The following NBEAL1 variants were observed in gnomAD, a reference collection of about 807,000 sequenced individuals.
NBEAL1 encodes neurobeachin-like protein 1.
In NBEAL1, 273 loss-of-function variants were observed where a neutral mutation model predicts 351.3. That is an observed-to-expected ratio of 0.78 (90% confidence interval 0.70 to 0.86). NBEAL1 has a LOEUF of 0.86. NBEAL1 is among the 40% of genes least tolerant of loss of function. The probability of loss-of-function intolerance (pLI) is 0.00; values close to 1 mark genes in which losing one functional copy is unlikely to be tolerated. For synonymous variants in NBEAL1, 1,050 were observed against 1,086.4 expected (o/e 0.97, Z 0.66); for missense variants, 2,961 against 3,201.3 (o/e 0.92, Z 1.81).
rs774317427 is a variant in NBEAL1, at chr2:203,190,338, C to T, written c.6870C>T (p.Ala2290=). Residue 2290 remains alanine, a synonymous_variant, in exon 46 of 56, where the codon GCC becomes GCT. Transcript: ENST00000683969. ...DALTDEKERK[A]LEGMINNFGQ... is the part of the protein sequence containing the mutation. ...TAACAGATGAGAAAGAAAGAAAAGC[C>T]TTAGAAGGGATGATTAATAATTTTG... The T allele has an allele frequency of 8.7e-6, 14 of 1,612,382 alleles. No homozygotes were observed. Among genetic ancestry groups the T allele is most frequent in the Non-Finnish European group, 1.1e-5 (13 of 1,179,700 alleles).
At chr2:203,047,093 C>T (rs1429954452) in intron 3 of NBEAL1, among the ~76,000 whole-genome samples, 8 of 151,930 alleles carry the variant, frequency 5.3e-5, no homozygotes, top group Non-Finnish European at 2.9e-5. Context: ...ACAAAATTAG[C>T]GGGCGTGGTG....
chr2:203,100,879 C>G (rs1044915283), intron 12 of NBEAL1, among the ~76,000 whole-genome samples: 2 of 152,074 alleles, frequency 1.3e-5, no homozygotes, highest in African/African-American at 4.8e-5. Context: ...CCGTTCTTGT[C>G]CTTTGCGCAC....
Position 203,056,520 on chromosome 2 carries a change from C to T in NBEAL1, c.387+12C>T. 1 of 1,462,046 alleles carries T rather than the reference C, an allele frequency of 6.8e-7. No individual in the cohort carries two copies. Among genetic ancestry groups the T allele is most frequent in the Non-Finnish European group, 9.4e-7 (1 of 1,065,258 alleles). 90.6% of individuals were successfully genotyped at this position (1,462,046 alleles called of 1,614,324 possible). Reference sequence around the variant, plus strand: ...TCTATATTCAGCAAGTAGGTGTGAACTAATCTTTTTTGTCACTTTACTGAG... The same window carrying T: ...TCTATATTCAGCAAGTAGGTGTGAATTAATCTTTTTTGTCACTTTACTGAG... On this transcript the variant is annotated intron_variant, in intron 5 of 55. Coordinates refer to ENST00000683969, the MANE Select transcript of NBEAL1 (RefSeq NM_001378026.1).
At chr2:203,136,541 A>T (rs2063213284) in intron 28 of NBEAL1, 58 bp from the exon 29 acceptor site, 2 of 1,241,910 alleles carry the variant, frequency 1.6e-6, no homozygotes, top group Non-Finnish European at 2.3e-6. Context: ...GGTTCTTATG[A>T]TGTGCTTTGA....
intron 33 of NBEAL1, among the ~76,000 whole-genome samples, chr2:203,148,346 G>C (rs2063561232): frequency 6.6e-6 from 1 of 151,972 alleles, no homozygotes; most frequent in Non-Finnish European, 1.5e-5. Flanking sequence ...TTTGTATCCA[G>C]GTCTAACTCC....
At chr2:203,102,214 G>T (rs2062341821) in intron 12 of NBEAL1, among the ~76,000 whole-genome samples, 2 of 152,216 alleles carry the variant, frequency 1.3e-5, no homozygotes, top group African/African-American at 4.8e-5. Flanking sequence ...TTTAGGCAGA[G>T]ACTATGGGGT....
intron 36 of NBEAL1, among the ~76,000 whole-genome samples, chr2:203,158,815 G>GT (rs71034220): frequency 0.69 from 58,834 of 84,844 alleles, 20,739 homozygotes; most frequent in East Asian, 0.83. Flanking sequence ...TTTCTGTAGG[G>GT]TTTTTTTTTT....
At position 203,127,017 on chromosome 2, in the gene NBEAL1, A is replaced by G. The variant is rs186894800; in HGVS notation, c.3248+91A>G. 22 of 868,904 alleles carry G rather than the reference A, an allele frequency of 2.5e-5. No homozygotes were observed. In the Admixed American group the frequency reaches 4.2e-4, roughly 17 times the overall value. 53.8% of individuals were successfully genotyped at this position (868,904 alleles called of 1,614,324 possible). A position where few individuals can be genotyped will look rare whatever the true frequency, so the allele number is the denominator to read the frequency against. ...GTAGACTGTAGACTTTCTCTTTACC[A>G]GCGATTCTAGTATGTTTTAACTGGA... is the stretch of plus-strand genomic sequence containing the variant. On this transcript the variant is annotated intron_variant, in intron 23 of 55. Transcript: ENST00000683969.
chr2:203,091,149 C>T (rs533467272), intron 10 of NBEAL1, among the ~76,000 whole-genome samples: 1 of 152,270 alleles, frequency 6.6e-6, no homozygotes, highest in South Asian at 2.1e-4. Flanking sequence ...TTTCCTCTCA[C>T]CTCAGCCCCT....
intron 51 of NBEAL1, among the ~76,000 whole-genome samples, chr2:203,206,705 T>G (rs2065582516): frequency 1.3e-5 from 2 of 151,606 alleles, no homozygotes; most frequent in South Asian, 4.2e-4. Flanking sequence ...GCAGACGGAG[T>G]CTCCTTCACT....
rs536501951 is a variant in NBEAL1, at chr2:203,082,902, C to T, written c.685-317C>T. On this transcript the variant is annotated intron_variant, in intron 8 of 55. Coordinates refer to ENST00000683969, the MANE Select transcript of NBEAL1 (RefSeq NM_001378026.1). ...ATTCTAGGCAGGAAAAGGTGAAAGG[C>T]CCAAGAGCAAAGGGTCCTTCCCTTT... Among the ~76,000 whole-genome samples, 9 of 152,302 alleles carry T rather than the reference C, an allele frequency of 5.9e-5. No individual in the cohort carries two copies. In the South Asian group the frequency reaches 1.9e-3, roughly 32 times the overall value.
At chr2:203,200,368 C>G (rs1455260530) in intron 49 of NBEAL1, among the ~76,000 whole-genome samples, 1 of 152,116 alleles carries the variant, frequency 6.6e-6, no homozygotes, top group East Asian at 1.9e-4. Context: ...AAAAAATTAG[C>G]CAGGCATGGT....
At chr2:203,126,251 A>G (rs909903823) in intron 21 of NBEAL1, among the ~76,000 whole-genome samples, 158 bp downstream of exon 21, 3 of 152,172 alleles carry the variant, frequency 2.0e-5, no homozygotes, top group Non-Finnish European at 4.4e-5. Context: ...AAAAACTTGT[A>G]TGGAATCATC....
intron 31 of NBEAL1, among the ~76,000 whole-genome samples, chr2:203,141,360 A>ATTTTTATTT (rs1559399251): frequency 7.3e-5 from 1 of 13,634 alleles, no homozygotes; most frequent in African/African-American, 1.9e-4. Context: ...TATTATTATT[A>ATTTTTATTT]TTATTATTTT....
At position 203,220,531 on chromosome 2, in the gene NBEAL1, T is replaced by C. The variant is rs543632065; in HGVS notation, c.*3177T>C. 2.0e-5 allele frequency among the ~76,000 whole-genome samples: 3 copies of C among 152,322 alleles called. No individual in the cohort carries two copies. The highest frequency in any genetic ancestry group is 7.2e-5 in the African/African-American group (3 of 41,582). ...CTTTGCAAAACTTTTTGTATGCTTTTGTTTCTTGATACTGGTGATGACAAA... is the reference window on the plus strand; with the variant it reads ...CTTTGCAAAACTTTTTGTATGCTTTCGTTTCTTGATACTGGTGATGACAAA... On this transcript the variant is annotated 3_prime_UTR_variant, in exon 56 of 56. Transcript: ENST00000683969.
chr2:203,222,124 C>T lies in NBEAL1; in HGVS notation c.*4770C>T, dbSNP rs2065960045. Among the ~76,000 whole-genome samples, 1 of 152,200 alleles carries T rather than the reference C, an allele frequency of 6.6e-6. No individual in the cohort carries two copies. The highest frequency in any genetic ancestry group is 2.1e-4 in the South Asian group (1 of 4,836). Reference sequence around the variant, plus strand: ...GTTTGCTTGAGCCTAGAGATCAAGGCTGCAGTAAGCTGTGATTGCACCACT... The same window carrying T: ...GTTTGCTTGAGCCTAGAGATCAAGGTTGCAGTAAGCTGTGATTGCACCACT... On this transcript the variant is annotated 3_prime_UTR_variant, in exon 56 of 56. Transcript: ENST00000683969.
intron 43 of NBEAL1, chr2:203,182,888 CTCT>C (rs1261530227): frequency 2.0e-5 from 3 of 153,830 alleles, no homozygotes; most frequent in African/African-American, 7.2e-5. Flanking sequence ...ACAAATATAA[CTCT>C]TCCAGTAGGT....
intron 24 of NBEAL1, among the ~76,000 whole-genome samples, chr2:203,129,997 A>G (rs1438542309): frequency 6.6e-6 from 1 of 152,126 alleles, no homozygotes; most frequent in Admixed American, 6.5e-5. Flanking sequence ...CCCCATTCCT[A>G]CCAGAAATAC....
chr2:203,175,385 C>A, intron 42 of NBEAL1, 98 bp downstream of exon 42: 1 of 1,222,966 alleles, frequency 8.2e-7, no homozygotes, highest in South Asian at 1.5e-5. Flanking sequence ...CTTTTTTATT[C>A]TCCTGTATTA....
Sources: gnomAD v4.1 joint callset for allele counts (sites outside exome capture counted in the v4.1 genomes callset) on GRCh38, gnomAD v4.1.1 for gene constraint, MANE v1.5 for transcripts, NCBI Gene and HGNC (gene_info 2026-07-23, HGNC 2026-07-21) for gene names.